The following NR1H4 variants were observed in gnomAD, a reference collection of about 807,000 sequenced individuals.
The protein encoded by NR1H4 is bile acid receptor.
Under a neutral mutation model 58.5 loss-of-function variants are expected in NR1H4, and 23 were observed. The observed-to-expected ratio is 0.39, with a 90% CI of 0.28 to 0.56. The LOEUF is 0.56. Among genes scored for constraint, NR1H4 ranks in the 20% least tolerant of loss-of-function variants. The pLI, the probability that NR1H4 is intolerant of heterozygous loss-of-function variation, is 0.58. For missense variants in NR1H4, 487 were observed against 576.9 expected, an observed-to-expected ratio of 0.84 and a Z score of 1.60; for synonymous variants, 214 against 198.0, an observed-to-expected ratio of 1.08 and a Z score of -0.68.
At position 100,554,392 on chromosome 12, in the gene NR1H4, AACAC is replaced by A. The variant is rs60582622; in HGVS notation, c.1079-7464_1079-7461del. ...TAGTGTAATATGCATACTTGTAAATAACACACACACACACACACACACACACACA... is the reference window on the plus strand; with the variant it reads ...TAGTGTAATATGCATACTTGTAAATAACACACACACACACACACACACACA... On this transcript the variant is annotated intron_variant, in intron 9 of 10. Transcript: ENST00000392986. Among the ~76,000 whole-genome samples the A allele has an allele frequency of 4.9e-3, 726 of 148,074 alleles. 3 individuals carry two copies. The highest frequency in any genetic ancestry group is 0.015 in the African/African-American group (599 of 40,404).
At chr12:100,483,075 G>A (rs1341037768) in intron 1 of NR1H4, among the ~76,000 whole-genome samples, 2 of 152,086 alleles carry the variant, frequency 1.3e-5, no homozygotes, top group African/African-American at 4.8e-5. Context: ...ACAGGCGTGT[G>A]CCACCGTGCC....
intron 1 of NR1H4, among the ~76,000 whole-genome samples, chr12:100,475,942 C>T (rs572351662): frequency 6.6e-6 from 1 of 152,220 alleles, no homozygotes; most frequent in South Asian, 2.1e-4. Flanking sequence ...CTATGTTGGC[C>T]AGACTGGTCT....
chr12:100,526,357 T>C (rs1482763703), intron 4 of NR1H4, among the ~76,000 whole-genome samples: 1 of 152,224 alleles, frequency 6.6e-6, no homozygotes, highest in Non-Finnish European at 1.5e-5. Context: ...TGATAAATTG[T>C]ATTTTCATTT....
intron 1 of NR1H4, among the ~76,000 whole-genome samples, chr12:100,480,794 C>T (rs1953362726): frequency 6.6e-6 from 1 of 152,196 alleles, no homozygotes; most frequent in Admixed American, 6.5e-5. Flanking sequence ...AGCAGCTTCT[C>T]TGCTGGTTAT....
rs139809053 is a variant in NR1H4 at position 100,509,915 on chromosome 12, G to GCACA, written c.80-840_80-837dup. ...TGTCTTTGCACGTGGGCACGTGCGCGCACACACACACACACACACACACAC... is the reference window on the plus strand; with the variant it reads ...TGTCTTTGCACGTGGGCACGTGCGCGCACACACACACACACACACACACACACAC... On this transcript the variant is annotated intron_variant, in intron 3 of 10. Coordinates refer to ENST00000392986, the MANE Select transcript of NR1H4 (RefSeq NM_001206979.2). 5.0e-4 allele frequency among the ~76,000 whole-genome samples: 66 copies of GCACA among 131,692 alleles called. No individual in the cohort carries two copies. The East Asian group carries it at 6.1e-3, about 12-fold the overall frequency. 86.4% of individuals were successfully genotyped at this position (131,692 alleles called of 152,430 possible). A position where few individuals can be genotyped will look rare whatever the true frequency, so the allele number is the denominator to read the frequency against.
intron 9 of NR1H4, among the ~76,000 whole-genome samples, chr12:100,548,523 C>T (rs1955132736): frequency 6.6e-6 from 1 of 152,144 alleles, no homozygotes; most frequent in African/African-American, 2.4e-5. Flanking sequence ...GCTCATTAGC[C>T]TCCCTCCTCT....
At chr12:100,536,914 C>G (rs759130350) in intron 7 of NR1H4, 34 bp from the exon 8 acceptor site, 4 of 1,226,884 alleles carry the variant, frequency 3.3e-6, no homozygotes, top group Middle Eastern at 2.4e-4. Flanking sequence ...TTCTTATCTA[C>G]TTTTTAATCA....
intron 9 of NR1H4, among the ~76,000 whole-genome samples, chr12:100,547,115 TC>T (rs1209917054): frequency 1.3e-5 from 2 of 152,122 alleles, no homozygotes; most frequent in African/African-American, 2.4e-5. Context: ...CAACATCTCT[TC>T]CCACTCATTC....
intron 5 of NR1H4, among the ~76,000 whole-genome samples, chr12:100,533,890 C>CTTTTTTT (rs758465149): frequency 1.3e-4 from 18 of 143,406 alleles, no homozygotes; most frequent in African/African-American, 3.6e-4. Context: ...TAATAGCTCT[C>CTTTTTTT]TTTTTTTTTT....
intron 1 of NR1H4, among the ~76,000 whole-genome samples, chr12:100,476,402 C>G (rs1953272651): frequency 6.6e-6 from 1 of 152,134 alleles, no homozygotes; most frequent in African/African-American, 2.4e-5. Context: ...TGTTTTAACC[C>G]AGAGACCAGT....
intron 4 of NR1H4, among the ~76,000 whole-genome samples, chr12:100,517,735 A>G (rs1016877840): frequency 1.3e-5 from 2 of 152,144 alleles, no homozygotes; most frequent in African/African-American, 4.8e-5. Context: ...GAGTGAGGTG[A>G]TATCTCATTG....
intron 4 of NR1H4, among the ~76,000 whole-genome samples, chr12:100,515,529 C>T (rs1450736707): frequency 1.3e-5 from 2 of 152,056 alleles, no homozygotes; most frequent in Non-Finnish European, 2.9e-5. Context: ...ACAAACAAAA[C>T]TGAGGGTGAT....
intron 1 of NR1H4, among the ~76,000 whole-genome samples, chr12:100,491,631 C>T (rs1386084032): frequency 6.6e-6 from 1 of 151,394 alleles, no homozygotes; most frequent in African/African-American, 2.4e-5. Context: ...TGGATTTTCT[C>T]CCACCAAGCC....
In NR1H4 at chr12:100,540,781, G is replaced by A. The variant is rs199745863; in HGVS notation, c.1041G>A (p.Gly347=). The A allele has an allele frequency of 1.2e-5, 19 of 1,614,110 alleles. No individual in the cohort carries two copies. In the East Asian group the frequency reaches 3.6e-4, roughly 30 times the overall value. Residue 347 remains glycine (G), a synonymous_variant, in exon 9 of 11, where the codon GGG becomes GGA. Coordinates refer to ENST00000392986, the MANE Select transcript of NR1H4 (RefSeq NM_001206979.2). Reference sequence around the variant, plus strand: ...TTTTCAATAAGAAACTTCCGTCTGGGCATTCTGACCTATTGGAAGAAAGAA... The same window carrying A: ...TTTTCAATAAGAAACTTCCGTCTGGACATTCTGACCTATTGGAAGAAAGAA... ...AEIFNKKLPS[G]HSDLLEERIR...
intron 9 of NR1H4, among the ~76,000 whole-genome samples, chr12:100,554,829 A>G (rs1955287472): frequency 6.6e-6 from 1 of 152,234 alleles, no homozygotes; most frequent in Non-Finnish European, 1.5e-5. Flanking sequence ...TTAGTGTTAC[A>G]TCTCCAGTGT....
At chr12:100,517,069 A>G (rs1954286770) in intron 4 of NR1H4, among the ~76,000 whole-genome samples, 1 of 152,204 alleles carries the variant, frequency 6.6e-6, no homozygotes, top group Non-Finnish European at 1.5e-5. Context: ...GTTATTTTGA[A>G]ATACACAGTA....
chr12:100,556,525 A>G (rs900088992), intron 9 of NR1H4, among the ~76,000 whole-genome samples: 2 of 151,988 alleles, frequency 1.3e-5, no homozygotes, highest in East Asian at 1.9e-4. Context: ...AAAATAATTC[A>G]TCACCTTCCT....
Position 100,493,260 on chromosome 12 carries a change from T to C in NR1H4, c.-54-10T>C. The C allele has an allele frequency of 1.2e-6, 1 of 815,282 alleles. No individual in the cohort carries two copies. The highest frequency in any genetic ancestry group is 2.1e-6 in the Non-Finnish European group (1 of 472,924). 50.5% of individuals were successfully genotyped at this position (815,282 alleles called of 1,614,324 possible). A position where few individuals can be genotyped will look rare whatever the true frequency, so the allele number is the denominator to read the frequency against. ...TTCCCACAGTCACAAACTATTTATT[T>C]TCCTTTCAGGAGTTTTTTTTGAAGA... is the stretch of plus-strand genomic sequence containing the variant. On this transcript the variant is annotated splice_polypyrimidine_tract_variant and intron_variant, in intron 2 of 10. Coordinates refer to ENST00000392986, the MANE Select transcript of NR1H4 (RefSeq NM_001206979.2).
At chr12:100,503,204 C>G (rs1010092826) in intron 3 of NR1H4, among the ~76,000 whole-genome samples, 1 of 152,088 alleles carries the variant, frequency 6.6e-6, no homozygotes, top group African/African-American at 2.4e-5. Flanking sequence ...GAAAAGTACT[C>G]CCCCAAAATG....
Sources: allele counts gnomAD v4.1 joint callset (sites outside exome capture counted in the v4.1 genomes callset), GRCh38; gene constraint gnomAD v4.1.1; transcripts MANE v1.5; gene names NCBI Gene and HGNC (gene_info 2026-07-23, HGNC 2026-07-21).